The following TANK variants were observed in gnomAD, a reference collection of about 807,000 sequenced individuals.
TANK encodes TRAF family member associated NFKB activator.
Under a neutral mutation model 43.6 loss-of-function variants are expected in TANK, and 15 were observed. The observed-to-expected ratio is 0.34, with a 90% CI of 0.23 to 0.53. The LOEUF is 0.53. Among genes scored for constraint, TANK ranks in the 20% least tolerant of loss-of-function variants. TANK has a pLI of 0.94. For synonymous variants in TANK, 162 were observed against 178.2 expected, an observed-to-expected ratio of 0.91 and a Z score of 0.73; for missense variants, 417 against 498.6, an observed-to-expected ratio of 0.84 and a Z score of 1.56.
chr2:161,188,149 A>C (rs556292715), intron 2 of TANK, among the ~76,000 whole-genome samples: 1 of 152,282 alleles, frequency 6.6e-6, no homozygotes, highest in African/African-American at 2.4e-5. Context: ...AAGAAACTAG[A>C]GAAAGAACTA....
chr2:161,184,531 A>C (rs1389204758), intron 2 of TANK, among the ~76,000 whole-genome samples: 1 of 152,182 alleles, frequency 6.6e-6, no homozygotes, highest in African/African-American at 2.4e-5. Flanking sequence ...AAAAAAGTGA[A>C]TGGCAGTCAT....
intron 1 of TANK, among the ~76,000 whole-genome samples, chr2:161,147,698 C>T (rs140524791): frequency 5.3e-4 from 81 of 152,266 alleles, no homozygotes; most frequent in African/African-American, 1.7e-3. Context: ...GAAGGATTTG[C>T]GTGCTGTTAT....
chr2:161,220,193 A>G (rs750107634), intron 4 of TANK, among the ~76,000 whole-genome samples: 51 of 152,244 alleles, frequency 3.3e-4, no homozygotes, highest in Admixed American at 2.8e-3. Context: ...TGAAATATGT[A>G]TCATTGAAAA....
chr2:161,200,865 G>A (rs755078568), intron 2 of TANK, among the ~76,000 whole-genome samples: 3 of 151,798 alleles, frequency 2.0e-5, no homozygotes, highest in Non-Finnish European at 2.9e-5. Flanking sequence ...TCCAGAGGCA[G>A]AGCAGCAGCA....
chr2:161,208,035 CACT>C (rs2105352693), intron 4 of TANK: 1 of 741,874 alleles, frequency 1.3e-6, no homozygotes, highest in Admixed American at 6.3e-5. Context: ...AGAAGGAAGC[CACT>C]ACGAGCCACC....
chr2:161,137,287 G>A (rs1683614269), intron 1 of TANK: 1 of 973,362 alleles, frequency 1.0e-6, no homozygotes, highest in South Asian at 4.7e-5. Context: ...ACTTTGGGAG[G>A]CCAAGGTAAG....
At chr2:161,191,758 C>A (rs1685925565) in intron 2 of TANK, among the ~76,000 whole-genome samples, 2 of 152,080 alleles carry the variant, frequency 1.3e-5, no homozygotes, top group African/African-American at 4.8e-5. Context: ...TCATGAATAC[C>A]TGACAATACC....
intron 2 of TANK, among the ~76,000 whole-genome samples, chr2:161,186,771 A>G (rs1272476049): frequency 6.6e-6 from 1 of 152,228 alleles, no homozygotes; most frequent in Non-Finnish European, 1.5e-5. Flanking sequence ...AATATTTGCA[A>G]ACTGACAAGG....
At chr2:161,227,366 CTT>C (rs1007018546) in intron 6 of TANK, among the ~76,000 whole-genome samples, 6 of 152,118 alleles carry the variant, frequency 3.9e-5, no homozygotes, top group Non-Finnish European at 7.4e-5. Flanking sequence ...AATTTGGGGA[CTT>C]CTCTCTATAT....
At chr2:161,172,355 C>CTT (rs72017971) in intron 1 of TANK, among the ~76,000 whole-genome samples, 23 of 89,222 alleles carry the variant, frequency 2.6e-4, no homozygotes, top group South Asian at 3.7e-4. Context: ...TTTTTTTCGG[C>CTT]TTTTTTTTTT....
chr2:161,204,611 C>T, intron 3 of TANK, 64 bp from the exon 4 acceptor site: 2 of 1,501,754 alleles, frequency 1.3e-6, no homozygotes, highest in Admixed American at 2.2e-5. Flanking sequence ...TTATTTTTTG[C>T]TTTTTCAGGT....
Position 161,208,292 on chromosome 2 carries a change from T to A in TANK, c.327+3499T>A, listed in dbSNP as rs898061232. 10 of 839,280 alleles carry A rather than the reference T, an allele frequency of 1.2e-5. No homozygotes were observed. In the East Asian group the frequency reaches 1.1e-3, roughly 93 times the overall value. The allele number at this position is 839,280 out of a possible 1,614,324, so 52.0% of individuals were successfully genotyped here. A position where few individuals can be genotyped will look rare whatever the true frequency, so the allele number is the denominator to read the frequency against. ...ACTTAAGAAACATGAAATTTATAGTTCAGTCTCTATTCATGTTATTCCTAC... is the reference window on the plus strand; with the variant it reads ...ACTTAAGAAACATGAAATTTATAGTACAGTCTCTATTCATGTTATTCCTAC... On this transcript the variant is annotated intron_variant, in intron 4 of 7. Coordinates refer to ENST00000392749, the MANE Select transcript of TANK (RefSeq NM_001199135.3).
intron 2 of TANK, among the ~76,000 whole-genome samples, chr2:161,180,545 C>CATAAAGTAAA (rs1558978539): frequency 6.6e-6 from 1 of 152,068 alleles, no homozygotes; most frequent in African/African-American, 2.4e-5. Flanking sequence ...TGTTTCCATA[C>CATAAAGTAAA]GATCAAAGTA....
intron 1 of TANK, among the ~76,000 whole-genome samples, chr2:161,142,864 G>A (rs1003357506): frequency 6.6e-6 from 1 of 152,032 alleles, no homozygotes; most frequent in Non-Finnish European, 1.5e-5. Context: ...TGTGAAAAAT[G>A]TCAGTGGTAG....
chr2:161,203,106 A>G (rs1686493605), intron 2 of TANK: 1 of 240,966 alleles, frequency 4.1e-6, no homozygotes, highest in Non-Finnish European at 8.3e-6. Context: ...TAATTTTTTA[A>G]GTTAGTATGT....
chr2:161,182,990 C>A (rs1685497586), intron 2 of TANK, among the ~76,000 whole-genome samples: 2 of 152,122 alleles, frequency 1.3e-5, no homozygotes, highest in South Asian at 4.1e-4. Context: ...AGTATTGTAA[C>A]AAAAGACTAT....
chr2:161,189,381 T>C (rs934911056), intron 2 of TANK, among the ~76,000 whole-genome samples: 1 of 152,006 alleles, frequency 6.6e-6, no homozygotes, highest in Non-Finnish European at 1.5e-5. Flanking sequence ...AAACTAAGAA[T>C]AGAAGGAAAC....
At chr2:161,162,396 CT>C (rs752793822) in intron 1 of TANK, 3 of 151,942 alleles carry the variant, frequency 2.0e-5, no homozygotes, top group Non-Finnish European at 4.4e-5. Flanking sequence ...TATTTTGTGA[CT>C]GGTATGTAGA....
At chr2:161,141,654 A>G (rs1196338909) in intron 1 of TANK, among the ~76,000 whole-genome samples, 5 of 152,180 alleles carry the variant, frequency 3.3e-5, no homozygotes, top group African/African-American at 9.6e-5. Flanking sequence ...ACTGCAAAGG[A>G]CATGATCTCA....
Sources: allele counts gnomAD v4.1 joint callset (sites outside exome capture counted in the v4.1 genomes callset), GRCh38; gene constraint gnomAD v4.1.1; transcripts MANE v1.5; gene names NCBI Gene and HGNC (gene_info 2026-07-23, HGNC 2026-07-21).